SYT9: variants seen among roughly 807,000 people sequenced by gnomAD.
SYT9 encodes synaptotagmin 9.
In SYT9, 22 loss-of-function variants were observed where a neutral mutation model predicts 48.4. That is an observed-to-expected ratio of 0.45 (90% CI 0.32 to 0.65). The LOEUF (loss-of-function observed/expected upper bound fraction) is 0.65, where lower values mean the gene tolerates loss of function less well. SYT9 is among the 30% of genes least tolerant of loss of function. The pLI is 0.03. For missense variants in SYT9, 577 were observed against 622.0 expected (o/e 0.93, Z 0.77); for synonymous variants, 265 against 245.0 (o/e 1.08, Z -0.76).
intron 6 of SYT9, among the ~76,000 whole-genome samples, chr11:7,423,948 C>T (rs1362005377): frequency 1.3e-5 from 2 of 152,154 alleles, no homozygotes; most frequent in Non-Finnish European, 2.9e-5. Context: ...CTCATGATAA[C>T]AGAGTATGTG....
chr11:7,329,789 G>A (rs1002537181), intron 3 of SYT9, among the ~76,000 whole-genome samples: 14 of 152,176 alleles, frequency 9.2e-5, no homozygotes, highest in Non-Finnish European at 1.6e-4. Context: ...TAGCACAGAA[G>A]GAGATGCTCA....
chr11:7,432,577 AAAAAAATATATATACAT>A (rs1847614808), intron 6 of SYT9, among the ~76,000 whole-genome samples: 18 of 9,168 alleles, frequency 2.0e-3, no homozygotes, highest in Non-Finnish European at 2.6e-3. Flanking sequence ...AAAAAAAAAA[AAAAAAATATATATACAT>A]ATATATATAT....
rs777656204 is a variant in SYT9 at position 7,420,671 on chromosome 11, G to T, written c.1467+36G>T. ...AATCCACATGCTCCACTTTGCATAA[G>T]AGTAAATGCTTTACTGTTGAAATGC... is the stretch of plus-strand genomic sequence containing the variant. On this transcript the variant is annotated intron_variant, in intron 6 of 6. Coordinates refer to ENST00000318881, the MANE Select transcript of SYT9 (RefSeq NM_175733.4). The T allele has an allele frequency of 2.5e-6, 4 of 1,611,770 alleles. No individual in the cohort carries two copies. In the East Asian group the frequency reaches 8.9e-5, roughly 36 times the overall value.
At chr11:7,364,351 G>C (rs940592914) in intron 3 of SYT9, among the ~76,000 whole-genome samples, 1 of 152,184 alleles carries the variant, frequency 6.6e-6, no homozygotes, top group Non-Finnish European at 1.5e-5. Context: ...ATAAAGGTCA[G>C]AGCTTTAAGA....
chr11:7,314,279 C>T, intron 3 of SYT9: 1 of 450,590 alleles, frequency 2.2e-6, no homozygotes, highest in Admixed American at 2.6e-5. Context: ...CTGAATGGAA[C>T]CTGGCATTCT....
In SYT9 at chr11:7,252,924, C is replaced by CGGCATGGAGGT. The variant is rs1847901467; in HGVS notation, c.145+597_145+607dup. Among the ~76,000 whole-genome samples, 1 of 152,200 alleles carries CGGCATGGAGGT rather than the reference C, an allele frequency of 6.6e-6. No individual in the cohort carries two copies. Among genetic ancestry groups the CGGCATGGAGGT allele is most frequent in the Non-Finnish European group, 1.5e-5 (1 of 68,050 alleles). ...CTGAACCCGTTCCCGGCGGGTCGCACGGCATGGAGGTGGCCTGGGCCTGGG... is the reference window on the plus strand; with the variant it reads ...CTGAACCCGTTCCCGGCGGGTCGCACGGCATGGAGGTGGCATGGAGGTGGCCTGGGCCTGGG... On this transcript the variant is annotated intron_variant, in intron 1 of 6. Coordinates refer to ENST00000318881, the MANE Select transcript of SYT9 (RefSeq NM_175733.4). The surrounding 1 kb of genome is among the most constrained non-coding windows in gnomAD (Gnocchi z 6.3).
chr11:7,352,262 C>T (rs1209807051), intron 3 of SYT9, among the ~76,000 whole-genome samples: 1 of 152,072 alleles, frequency 6.6e-6, no homozygotes, highest in African/African-American at 2.4e-5. Flanking sequence ...GTTAGAATCT[C>T]AGGAGTTTGT....
At chr11:7,344,729 G>T (rs1309295108) in intron 3 of SYT9, among the ~76,000 whole-genome samples, 1 of 152,070 alleles carries the variant, frequency 6.6e-6, no homozygotes, top group African/African-American at 2.4e-5. Flanking sequence ...ATATATATGA[G>T]TCTATTCTGG....
chr11:7,456,548 GT>G (rs1307002079), intron 6 of SYT9, among the ~76,000 whole-genome samples: 1 of 152,234 alleles, frequency 6.6e-6, no homozygotes, highest in African/African-American at 2.4e-5. Flanking sequence ...AGTGGTAATG[GT>G]GATATCCTGA....
intron 3 of SYT9, among the ~76,000 whole-genome samples, chr11:7,344,761 C>T (rs1849771076): frequency 6.6e-6 from 1 of 152,124 alleles, no homozygotes; most frequent in Non-Finnish European, 1.5e-5. Flanking sequence ...TTTTCCATCG[C>T]TCTATTTGTC....
upstream of SYT9, among the ~76,000 whole-genome samples, chr11:7,248,743 A>G (rs970956192): frequency 2.0e-5 from 3 of 152,210 alleles, no homozygotes; most frequent in Non-Finnish European, 4.4e-5. Flanking sequence ...ATATTGTGAA[A>G]ATGACTATAC....
chr11:7,244,877 C>A, intron 1 of SYT9, among the ~76,000 whole-genome samples: 1 of 152,130 alleles, frequency 6.6e-6, no homozygotes, highest in South Asian at 2.1e-4. Flanking sequence ...ATGCTGTAAC[C>A]CAAGCAGCAA....
At chr11:7,258,527 A>G (rs1000708894) in intron 1 of SYT9, among the ~76,000 whole-genome samples, 4 of 152,112 alleles carry the variant, frequency 2.6e-5, no homozygotes, top group Non-Finnish European at 5.9e-5. Flanking sequence ...ATCACACAAA[A>G]ACTTTAAATC....
At chr11:7,251,166 CT>C, upstream of SYT9, among the ~76,000 whole-genome samples, 1 of 151,388 alleles carries the variant, frequency 6.6e-6, no homozygotes, top group East Asian at 2.0e-4. Flanking sequence ...CTAGGCTTTA[CT>C]GCTTGAAAGG....
intron 3 of SYT9, among the ~76,000 whole-genome samples, chr11:7,373,778 G>C (rs2134034401): frequency 6.6e-6 from 1 of 152,188 alleles, no homozygotes; most frequent in Non-Finnish European, 1.5e-5. Context: ...TGGAGGGTGG[G>C]AAAGCCTTAA....
chr11:7,415,978 C>T (rs1267994933), intron 3 of SYT9, 64 bp from the exon 4 acceptor site: 3 of 1,606,286 alleles, frequency 1.9e-6, no homozygotes, highest in African/African-American at 1.3e-5. Flanking sequence ...TGGCCTGAAG[C>T]TGAGCCTCTT....
upstream of SYT9, among the ~76,000 whole-genome samples, chr11:7,250,927 G>T (rs1367778086): frequency 6.6e-6 from 1 of 152,104 alleles, no homozygotes; most frequent in African/African-American, 2.4e-5. Context: ...AAAAAAGAAA[G>T]AGAGAAAATC....
chr11:7,257,116 A>C (rs1847986308), intron 1 of SYT9, among the ~76,000 whole-genome samples: 1 of 152,170 alleles, frequency 6.6e-6, no homozygotes, highest in African/African-American at 2.4e-5. Context: ...ATTGATTCTA[A>C]TGTGCAGCCA....
chr11:7,413,529 G>C (rs921539644), intron 3 of SYT9, among the ~76,000 whole-genome samples: 1 of 152,116 alleles, frequency 6.6e-6, no homozygotes. Context: ...ACCCTGGGAG[G>C]TCTCTCACTT....
Sources: gnomAD v4.1 joint callset for allele counts (sites outside exome capture counted in the v4.1 genomes callset) on GRCh38, gnomAD v4.1.1 for gene constraint, Gnocchi (gnomAD v3.1) non-coding constraint, MANE v1.5 for transcripts, NCBI Gene and HGNC (gene_info 2026-07-23, HGNC 2026-07-21) for gene names.